FARP1: variants seen among roughly 807,000 people sequenced by gnomAD.
The protein encoded by FARP1 is FERM, ARHGEF and pleckstrin domain-containing protein 1.
Under a neutral mutation model 128.8 loss-of-function variants are expected in FARP1, and 52 were observed. The ratio of observed to expected loss-of-function variants is 0.40; its 90% confidence interval spans 0.32 to 0.51. The LOEUF (loss-of-function observed/expected upper bound fraction) is 0.51. FARP1 is among the 20% of genes least tolerant of loss of function. FARP1 has a pLI of 0.45. For missense variants in FARP1, 1,333 were observed against 1,367.9 expected (o/e 0.97, Z 0.40); for synonymous variants, 580 against 551.8 (o/e 1.05, Z -0.72).
intron 2 of FARP1, among the ~76,000 whole-genome samples, chr13:98,246,462 TAAAA>T (rs944409023): frequency 6.6e-6 from 1 of 151,506 alleles, no homozygotes; most frequent in Non-Finnish European, 1.5e-5. Context: ...TCTTGTAACT[TAAAA>T]AAAAATTAGA....
chr13:98,161,173 C>T (rs531387974), intron 1 of FARP1, among the ~76,000 whole-genome samples: 1 of 151,256 alleles, frequency 6.6e-6, no homozygotes, highest in South Asian at 2.1e-4. Context: ...ATTATACATA[C>T]GTTTTGTGAA....
intron 2 of FARP1, among the ~76,000 whole-genome samples, chr13:98,308,827 G>A (rs973138855): frequency 1.1e-4 from 16 of 151,388 alleles, no homozygotes; most frequent in African/African-American, 3.6e-4. Context: ...CCACCACCAT[G>A]CCTGGCTGAT....
In FARP1 at chr13:98,448,275, G is replaced by A. The variant is rs531432060; in HGVS notation, c.3096G>A (p.Ser1032=). The A allele has an allele frequency of 8.1e-6, 13 of 1,614,112 alleles. No homozygotes were observed. The highest frequency in any genetic ancestry group is 2.7e-5 in the African/African-American group (2 of 75,050). ...EVIRSATSSA[S]RPHVLSHKES... is the part of the protein sequence containing the mutation. ...TCCGCAGTGCCACCAGCTCTGCCTCGCGACCCCACGTGTTGAGTCACAAAG... is the reference window on the plus strand; with the variant it reads ...TCCGCAGTGCCACCAGCTCTGCCTCACGACCCCACGTGTTGAGTCACAAAG... The change falls in exon 27 of 27, where the codon TCG becomes TCA. Residue 1032 remains serine (S), a synonymous_variant. Coordinates refer to ENST00000319562, the MANE Select transcript of FARP1 (RefSeq NM_005766.4).
chr13:98,402,838 A>C (rs1310589003), intron 13 of FARP1: 2 of 152,240 alleles, frequency 1.3e-5, no homozygotes, highest in Non-Finnish European at 2.9e-5. Flanking sequence ...AATACTGTAG[A>C]TAATATGTTT....
At chr13:98,444,405 G>A (rs1284723880) in intron 24 of FARP1, among the ~76,000 whole-genome samples, 1 of 152,280 alleles carries the variant, frequency 6.6e-6, no homozygotes, top group East Asian at 1.9e-4. Flanking sequence ...CCAATGAAGG[G>A]CCACGAGGAG....
chr13:98,282,895 G>A (rs554571514), intron 2 of FARP1, among the ~76,000 whole-genome samples: 38 of 151,136 alleles, frequency 2.5e-4, no homozygotes, highest in South Asian at 1.5e-3. Context: ...GCGAGACTCC[G>A]TCTCAAAAAA....
At chr13:98,203,159 C>T (rs1018854108) in intron 1 of FARP1, among the ~76,000 whole-genome samples, 2 of 152,226 alleles carry the variant, frequency 1.3e-5, no homozygotes, top group African/African-American at 4.8e-5. Context: ...AGTCAGCTCT[C>T]CTTCCAGTTA....
intron 6 of FARP1, among the ~76,000 whole-genome samples, chr13:98,380,578 C>A (rs1255035101): frequency 1.3e-5 from 2 of 151,674 alleles, no homozygotes; most frequent in African/African-American, 4.8e-5. Flanking sequence ...ATAAATATAT[C>A]CCCCCCAAAA....
intron 1 of FARP1, among the ~76,000 whole-genome samples, chr13:98,206,089 T>C (rs538257110): frequency 6.6e-6 from 1 of 152,292 alleles, no homozygotes; most frequent in African/African-American, 2.4e-5. Context: ...TTTTGGTTAG[T>C]AGGTATGAAG....
chr13:98,437,646 AG>A, intron 19 of FARP1: 1 of 617,742 alleles, frequency 1.6e-6, no homozygotes, highest in South Asian at 2.1e-5. Flanking sequence ...CTCTGGTGAT[AG>A]CTGGGCGCAG....
chr13:98,176,153 TGA>T lies in FARP1; in HGVS notation c.-24+32663_-24+32664del. 1 of 1,606,414 alleles carries T rather than the reference TGA, an allele frequency of 6.2e-7. No homozygotes were observed. Among genetic ancestry groups the T allele is most frequent in the Non-Finnish European group, 8.5e-7 (1 of 1,173,474 alleles). Reference sequence around the variant, plus strand: ...CTTCTCCCCAGTGTACATACAGACTTGAGTCTTTCTTATCTCTTTTTTCCTAA... The same window carrying T: ...CTTCTCCCCAGTGTACATACAGACTTGTCTTTCTTATCTCTTTTTTCCTAA... On this transcript the variant is annotated intron_variant, in intron 1 of 26. Transcript: ENST00000319562. This position sits in a 1 kb window ranked among gnomAD's most constrained non-coding sequence, Gnocchi z 6.2.
intron 2 of FARP1, among the ~76,000 whole-genome samples, chr13:98,336,994 C>T (rs1311822773): frequency 2.0e-5 from 3 of 152,136 alleles, no homozygotes; most frequent in East Asian, 1.9e-4. Context: ...TGATAGTGAA[C>T]GGGGTGGTTT....
At chr13:98,224,544 AAG>A (rs1182486214) in intron 2 of FARP1, among the ~76,000 whole-genome samples, 1 of 36,140 alleles carries the variant, frequency 2.8e-5, no homozygotes, top group African/African-American at 6.6e-5. Context: ...AAAAAAAAAA[AAG>A]AAAAAAAAAA....
chr13:98,392,674 T>C (rs564700592), intron 11 of FARP1, among the ~76,000 whole-genome samples: 1 of 152,304 alleles, frequency 6.6e-6, no homozygotes, highest in African/African-American at 2.4e-5. Flanking sequence ...TCTGATTGCC[T>C]ATTGAGAACC....
chr13:98,439,175 G>A lies in FARP1; in HGVS notation c.2412G>A (p.Gln804=), dbSNP rs769305463. 6 of 1,613,444 alleles carry A rather than the reference G, an allele frequency of 3.7e-6. No homozygotes were observed. The African/African-American group carries it at 6.7e-5, about 18-fold the overall frequency. ...TASNQFKVHG[Q]LPLYGMTIEE... ...CCAATCAGTTTAAAGTCCACGGGCA[G>A]CTCCCGCTCTATGGCATGACGGTGA... is the stretch of plus-strand genomic sequence containing the variant. The change falls in exon 21 of 27, where the codon CAG becomes CAA. Residue 804 remains glutamine (Q), a synonymous_variant. Transcript: ENST00000319562.
chr13:98,164,701 C>T (rs149198689), intron 1 of FARP1, among the ~76,000 whole-genome samples: 1 of 152,258 alleles, frequency 6.6e-6, no homozygotes, highest in African/African-American at 2.4e-5. Context: ...CCTCCTCCAC[C>T]ATCTAATGTG....
intron 16 of FARP1, among the ~76,000 whole-genome samples, chr13:98,418,029 A>G (rs1364256596): frequency 6.6e-6 from 1 of 152,212 alleles, no homozygotes; most frequent in Admixed American, 6.5e-5. Context: ...TGTGTGATCG[A>G]ATATCCTTTT....
At chr13:98,259,915 G>GTGTGTGTA (rs1555331896) in intron 2 of FARP1, among the ~76,000 whole-genome samples, 118 of 151,596 alleles carry the variant, frequency 7.8e-4, no homozygotes, top group African/African-American at 2.7e-3. Flanking sequence ...GTGTGTGTGT[G>GTGTGTGTA]TGTGTATTGA....
intron 1 of FARP1, among the ~76,000 whole-genome samples, chr13:98,166,006 C>T (rs1877242756): frequency 6.6e-6 from 1 of 152,094 alleles, no homozygotes; most frequent in Non-Finnish European, 1.5e-5. Context: ...AGGTGTGAGC[C>T]ACTGCGCCCA....
Sources: allele counts gnomAD v4.1 joint callset (sites outside exome capture counted in the v4.1 genomes callset), GRCh38; gene constraint gnomAD v4.1.1; non-coding constraint Gnocchi (gnomAD v3.1); transcripts MANE v1.5; gene names NCBI Gene and HGNC (gene_info 2026-07-23, HGNC 2026-07-21).